IKZF1: variants seen among roughly 807,000 people sequenced by gnomAD.
IKZF1 encodes the protein DNA-binding protein Ikaros.
A neutral mutation model predicts 51.7 loss-of-function variants in IKZF1; 10 were observed. That is an observed-to-expected ratio of 0.19 (90% CI 0.12 to 0.33). The LOEUF is 0.33. Among genes scored for constraint, IKZF1 ranks in the 10% least tolerant of loss-of-function variants. The pLI, the probability that IKZF1 is intolerant of heterozygous loss-of-function variation, is 1.00. For synonymous variants in IKZF1, 280 were observed against 282.3 expected, an observed-to-expected ratio of 0.99 and a Z score of 0.08; for missense variants, 484 against 707.5, an observed-to-expected ratio of 0.68 and a Z score of 3.58.
At chr7:50,366,389 A>C in intron 3 of IKZF1, among the ~76,000 whole-genome samples, 1 of 152,220 alleles carries the variant, frequency 6.6e-6, no homozygotes. Context: ...AAGACTGCAC[A>C]AGGCTACATT....
intron 2 of IKZF1, among the ~76,000 whole-genome samples, chr7:50,322,628 C>T (rs940172970): frequency 1.2e-4 from 18 of 152,252 alleles, no homozygotes; most frequent in African/African-American, 3.9e-4. Context: ...TTGGGTAAAG[C>T]GTATTTTTCT....
At chr7:50,361,957 C>A (rs1405825975) in intron 3 of IKZF1, among the ~76,000 whole-genome samples, 2 of 152,124 alleles carry the variant, frequency 1.3e-5, no homozygotes, top group Non-Finnish European at 2.9e-5. Flanking sequence ...TTAGAAGTAC[C>A]CATTTCTCCC....
chr7:50,368,435 G>T (rs1807658004), intron 3 of IKZF1: 1 of 616,224 alleles, frequency 1.6e-6, no homozygotes, highest in African/African-American at 1.8e-5. Flanking sequence ...AACTGAACAT[G>T]GTTTCAAGAT....
chr7:50,391,875 A>T lies in IKZF1; in HGVS notation c.850+12A>T, dbSNP rs368478684. ...TCAGAAATTTCTTGGTAAGAGTTAAATGTTTGCTGTCTCTTAAAAAAAAAC... is the reference window on the plus strand; with the variant it reads ...TCAGAAATTTCTTGGTAAGAGTTAATTGTTTGCTGTCTCTTAAAAAAAAAC... On this transcript the variant is annotated intron_variant, in intron 7 of 7. Coordinates refer to ENST00000331340, the MANE Select transcript of IKZF1 (RefSeq NM_006060.6). 58 of 1,606,806 alleles carry T rather than the reference A, an allele frequency of 3.6e-5. No homozygotes were observed. Among genetic ancestry groups the T allele is most frequent in the Admixed American group, 8.5e-5 (5 of 58,648 alleles).
intron 2 of IKZF1, among the ~76,000 whole-genome samples, chr7:50,322,159 TA>T (rs536603900): frequency 7.5e-4 from 114 of 152,306 alleles, no homozygotes; most frequent in African/African-American, 2.6e-3. Context: ...TTTTCATTTC[TA>T]AAGTTGGAAG....
At position 50,348,225 on chromosome 7, in the gene IKZF1, A is replaced by C. The variant is rs1800880853; in HGVS notation, c.160+20468A>C. Among the ~76,000 whole-genome samples the C allele has an allele frequency of 3.3e-5, 5 of 152,318 alleles. No individual in the cohort carries two copies. In the South Asian group the frequency reaches 1.0e-3, roughly 32 times the overall value. On this transcript the variant is annotated intron_variant, in intron 3 of 7. Transcript: ENST00000331340. Reference sequence around the variant, plus strand: ...AGATAGTGAAAGAAATTCATTTTTTAAGTTTGTCAGAAAAATAAATTCTTT... The same window carrying C: ...AGATAGTGAAAGAAATTCATTTTTTCAGTTTGTCAGAAAAATAAATTCTTT...
At chr7:50,350,583 G>A (rs188229712) in intron 3 of IKZF1, among the ~76,000 whole-genome samples, 140 of 152,278 alleles carry the variant, frequency 9.2e-4, no homozygotes, top group Non-Finnish European at 1.6e-3. Flanking sequence ...GGGTTCTGAC[G>A]GCACGTTACA....
chr7:50,330,038 G>C (rs1394694719), intron 3 of IKZF1, among the ~76,000 whole-genome samples: 1 of 152,188 alleles, frequency 6.6e-6, no homozygotes, highest in East Asian at 1.9e-4. Flanking sequence ...AGATCACCCA[G>C]TATCTGGTTG....
chr7:50,387,255 T>G (rs1227594585), intron 5 of IKZF1, 90 bp from the exon 6 acceptor site: 1 of 1,429,478 alleles, frequency 7.0e-7, no homozygotes, highest in Non-Finnish European at 9.2e-7. Flanking sequence ...TTTTTTTAAC[T>G]TTTTTGGTAA....
intron 3 of IKZF1, among the ~76,000 whole-genome samples, chr7:50,331,954 T>C (rs975557438): frequency 0.03 from 4,620 of 152,320 alleles, 99 homozygotes; most frequent in Non-Finnish European, 0.044. Flanking sequence ...GAATGGTCTA[T>C]TTAGTGAGAC....
chr7:50,384,972 T>C (rs982067634), intron 5 of IKZF1, among the ~76,000 whole-genome samples: 3 of 152,228 alleles, frequency 2.0e-5, no homozygotes, highest in African/African-American at 7.2e-5. Context: ...TTTCTTGTTG[T>C]GGAGTTAGGA....
At chr7:50,345,415 A>G (rs1800103368) in intron 3 of IKZF1, among the ~76,000 whole-genome samples, 1 of 152,200 alleles carries the variant, frequency 6.6e-6, no homozygotes, top group Non-Finnish European at 1.5e-5. Flanking sequence ...TTGTGGAGCT[A>G]AACAAACTGC....
intron 3 of IKZF1, among the ~76,000 whole-genome samples, chr7:50,364,901 T>C (rs1806402034): frequency 6.6e-6 from 1 of 152,200 alleles, no homozygotes; most frequent in Non-Finnish European, 1.5e-5. Context: ...CTAAGAGGTG[T>C]AGCAGTCGCA....
At chr7:50,380,471 C>T (rs1479752061) in intron 4 of IKZF1, among the ~76,000 whole-genome samples, 1 of 152,214 alleles carries the variant, frequency 6.6e-6, no homozygotes, top group African/African-American at 2.4e-5. Context: ...TGGGGAGAGA[C>T]ATGGGACTCC....
intron 3 of IKZF1, among the ~76,000 whole-genome samples, chr7:50,354,878 C>T (rs939481906): frequency 6.6e-6 from 1 of 152,078 alleles, no homozygotes; most frequent in African/African-American, 2.4e-5. Flanking sequence ...GATACTCAAG[C>T]GTAGGATTTC....
At position 50,327,652 on chromosome 7, in the gene IKZF1, C is replaced by G. The variant is rs931548912; in HGVS notation, c.55C>G (p.Pro19Ala). 12 of 1,612,638 alleles carry G rather than the reference C, an allele frequency of 7.4e-6. No individual in the cohort carries two copies. The highest frequency in any genetic ancestry group is 1.0e-5 in the Non-Finnish European group (12 of 1,179,358). ...MSQVSGKESP[P>A]VSDTPDEGDE... The stretch of plus-strand genomic sequence containing the variant: ...TTTCTCATCAGGGAAGGAAAGCCCC[C>G]CTGTAAGCGATACTCCAGATGAGGG... The change falls in exon 3 of 8, where the codon CCT becomes GCT. Residue 19 changes from proline to alanine, a missense_variant. Around this residue, in one of 6 missense-constraint regions of IKZF1, gnomAD observed 118 missense variants for 138.4 expected, o/e 0.85. Transcript: ENST00000331340.
At chr7:50,385,188 G>C (rs760411331) in intron 5 of IKZF1, among the ~76,000 whole-genome samples, 1 of 152,170 alleles carries the variant, frequency 6.6e-6, no homozygotes, top group Non-Finnish European at 1.5e-5. Context: ...GGATCTGTCT[G>C]TCCGAAAATG....
chr7:50,306,642 C>T (rs539123094), intron 1 of IKZF1, among the ~76,000 whole-genome samples: 254 of 152,362 alleles, frequency 1.7e-3, no homozygotes, highest in Non-Finnish European at 2.8e-3. Flanking sequence ...AGAAGATCAG[C>T]TGTGGCCGTT....
intron 3 of IKZF1, among the ~76,000 whole-genome samples, chr7:50,358,571 G>A (rs1804217093): frequency 6.6e-6 from 1 of 152,224 alleles, no homozygotes; most frequent in Non-Finnish European, 1.5e-5. Context: ...GATGTCCTGT[G>A]CATGGCTCGG....
Sources: gnomAD v4.1 joint callset for allele counts (sites outside exome capture counted in the v4.1 genomes callset) on GRCh38, gnomAD v4.1.1 for gene constraint, gnomAD v4.1.1 regional missense constraint, MANE v1.5 for transcripts, NCBI Gene and HGNC (gene_info 2026-07-23, HGNC 2026-07-21) for gene names.